Variants in UNC13C observed in about 807,000 individuals in gnomAD.
UNC13C encodes unc-13 homolog C, also known as protein unc-13 homolog C.
In UNC13C, 174 loss-of-function variants were observed where a neutral mutation model predicts 245.4. The observed-to-expected ratio is 0.71, with a 90% CI of 0.63 to 0.80. The LOEUF (loss-of-function observed/expected upper bound fraction) is 0.80, where lower values mean the gene tolerates loss of function less well. UNC13C is among the 30% of genes least tolerant of loss of function. The pLI is 0.00. For missense variants in UNC13C, 2,829 were observed against 2,602.9 expected (o/e 1.09, Z -1.89); for synonymous variants, 992 against 895.1 (o/e 1.11, Z -1.93).
chr15:54,215,096 C>A (rs966136393), intron 4 of UNC13C, among the ~76,000 whole-genome samples: 1 of 151,774 alleles, frequency 6.6e-6, no homozygotes, highest in African/African-American at 2.4e-5. Context: ...TAGGTAATTG[C>A]AAGCTCTAGA....
chr15:53,838,723 A>T, the UNC13C span, among the ~76,000 whole-genome samples: 4 of 151,846 alleles, frequency 2.6e-5, no homozygotes, highest in Admixed American at 2.6e-4. Context: ...TTGTTCTCTA[A>T]TTTTTTTATC....
chr15:54,430,645 A>G (rs2040853012), intron 19 of UNC13C, among the ~76,000 whole-genome samples: 1 of 151,754 alleles, frequency 6.6e-6, no homozygotes, highest in East Asian at 1.9e-4. Flanking sequence ...TTGCTGTTAA[A>G]GGAGTTATCT....
intron 2 of UNC13C, among the ~76,000 whole-genome samples, chr15:54,081,955 A>G (rs1439677221): frequency 6.6e-6 from 1 of 151,970 alleles, no homozygotes; most frequent in Non-Finnish European, 1.5e-5. Context: ...AAATCCTTTG[A>G]TCATTTCTTA....
intron 16 of UNC13C, 58 bp downstream of exon 16, chr15:54,333,914 G>C: frequency 7.6e-7 from 1 of 1,320,808 alleles, no homozygotes. Flanking sequence ...TTCATCCCCT[G>C]GTAAAGTCTT....
intron 2 of UNC13C, among the ~76,000 whole-genome samples, chr15:54,090,235 G>C (rs1385863087): frequency 5.3e-5 from 8 of 151,926 alleles, no homozygotes; most frequent in Admixed American, 5.2e-4. Context: ...ACTCTGCTGG[G>C]GAATTTTTTC....
intron 18 of UNC13C, among the ~76,000 whole-genome samples, chr15:54,401,170 A>T (rs1402471110): frequency 6.6e-6 from 1 of 152,160 alleles, no homozygotes; most frequent in Non-Finnish European, 1.5e-5. Flanking sequence ...AAAGTATTTT[A>T]TCTCATTCTT....
At chr15:54,234,898 C>A (rs2140826913) in intron 4 of UNC13C, 132 bp from the exon 5 acceptor site, 1 of 731,216 alleles carries the variant, frequency 1.4e-6, no homozygotes, top group Non-Finnish European at 2.2e-6. Flanking sequence ...ATCTTTGCAG[C>A]TTTGTGAATC....
chr15:54,364,604 A>G (rs1328212784), intron 17 of UNC13C, among the ~76,000 whole-genome samples: 1 of 152,204 alleles, frequency 6.6e-6, no homozygotes, highest in South Asian at 2.1e-4. Flanking sequence ...GAAGTAGAGT[A>G]AGACTTCACT....
intron 30 of UNC13C, among the ~76,000 whole-genome samples, chr15:54,615,444 G>A (rs549890015): frequency 6.6e-6 from 1 of 152,042 alleles, no homozygotes; most frequent in South Asian, 2.1e-4. Flanking sequence ...TGATCACCAA[G>A]AAGAAGACAT....
intron 31 of UNC13C, among the ~76,000 whole-genome samples, chr15:54,622,870 AATTAAAGGATTAGC>A (rs1025210525): frequency 7.2e-5 from 11 of 152,252 alleles, no homozygotes; most frequent in Admixed American, 5.2e-4. Flanking sequence ...TCAAAGATGA[AATTAAAGGATTAGC>A]ATTTTGTTAA....
At chr15:53,944,668 T>C in the UNC13C span, among the ~76,000 whole-genome samples, 1 of 152,248 alleles carries the variant, frequency 6.6e-6, no homozygotes, top group South Asian at 2.1e-4. Context: ...CAGTCTGCCA[T>C]TGATGGGCAT....
At chr15:53,891,089 A>G in the UNC13C span, among the ~76,000 whole-genome samples, 9 of 152,148 alleles carry the variant, frequency 5.9e-5, no homozygotes, top group African/African-American at 2.2e-4. Context: ...GTTTCAAGGA[A>G]CATCTTTATT....
At chr15:54,271,891 T>C (rs2036697000) in intron 10 of UNC13C, among the ~76,000 whole-genome samples, 1 of 152,216 alleles carries the variant, frequency 6.6e-6, no homozygotes, top group Admixed American at 6.5e-5. Context: ...CACTTACTTC[T>C]TGGAGTATCC....
intron 19 of UNC13C, among the ~76,000 whole-genome samples, chr15:54,450,613 A>T (rs921427214): frequency 2.6e-5 from 4 of 152,206 alleles, no homozygotes; most frequent in African/African-American, 9.6e-5. Context: ...TGTTAAGACG[A>T]TTGGAAAAGC....
chr15:54,484,598 A>G (rs1184218035), intron 19 of UNC13C, among the ~76,000 whole-genome samples: 1 of 152,210 alleles, frequency 6.6e-6, no homozygotes, highest in African/African-American at 2.4e-5. Flanking sequence ...CTTCCTGTCA[A>G]AATATAAACT....
In UNC13C at chr15:54,261,380, T is replaced by G. The variant is rs572689959; in HGVS notation, c.3449-2788T>G. 2.0e-5 allele frequency among the ~76,000 whole-genome samples: 3 copies of G among 152,286 alleles called. No homozygotes were observed. The South Asian group carries it at 6.2e-4, about 32-fold the overall frequency. ...TCATTAGAAACATAAGATATGTGGG[T>G]TTGATAAAGCATAGGGCAATGGAAA... On this transcript the variant is annotated intron_variant, in intron 8 of 32. Coordinates refer to ENST00000260323, the MANE Select transcript of UNC13C (RefSeq NM_001080534.3).
At chr15:54,245,681 T>C (rs2035972865) in intron 7 of UNC13C, among the ~76,000 whole-genome samples, 1 of 152,178 alleles carries the variant, frequency 6.6e-6, no homozygotes, top group Non-Finnish European at 1.5e-5. Context: ...TACCTAATGT[T>C]TGGTCTGCAA....
chr15:54,555,143 C>T (rs561196414), intron 28 of UNC13C, among the ~76,000 whole-genome samples: 6 of 152,114 alleles, frequency 3.9e-5, no homozygotes, highest in South Asian at 2.1e-4. Flanking sequence ...AATTTCATCA[C>T]GCATTTTCCA....
At chr15:53,893,533 T>C in the UNC13C span, among the ~76,000 whole-genome samples, 3 of 152,204 alleles carry the variant, frequency 2.0e-5, no homozygotes, top group Admixed American at 6.5e-5. Context: ...CTGCTGCCTT[T>C]TTTTCAGAGA....
Sources: gnomAD v4.1 joint callset for allele counts (sites outside exome capture counted in the v4.1 genomes callset) on GRCh38, gnomAD v4.1.1 for gene constraint, MANE v1.5 for transcripts, NCBI Gene and HGNC (gene_info 2026-07-23, HGNC 2026-07-21) for gene names.